COL13A1: variants seen among roughly 807,000 people sequenced by gnomAD.
COL13A1 encodes the protein collagen alpha-1(XIII) chain.
In COL13A1, 89 loss-of-function variants were observed where a neutral mutation model predicts 130.9. The ratio of observed to expected loss-of-function variants is 0.68; its 90% CI spans 0.57 to 0.81. The LOEUF (loss-of-function observed/expected upper bound fraction) is 0.81, where lower values mean the gene tolerates loss of function less well. COL13A1 is among the 30% of genes least tolerant of loss of function. The pLI is 0.00. For synonymous variants in COL13A1, 402 were observed against 341.6 expected (o/e 1.18, Z -1.95); for missense variants, 879 against 934.6 (o/e 0.94, Z 0.78).
Position 69,925,001 on chromosome 10 carries a change from C to T in COL13A1, c.1323C>T (p.Gly441=). 6.3e-7 allele frequency: 1 copy of T among 1,586,720 alleles called. No homozygotes were observed. The highest frequency in any genetic ancestry group is 1.8e-5 in the Admixed American group (1 of 55,726). The change falls in exon 25 of 41, where the codon GGC becomes GGT. Residue 441 remains glycine, a synonymous_variant. Transcript: ENST00000645393. ...CAGCTGGAGAACAGGGACCAGATGG[C>T]CCCAAGGTATGTGCCTCTCCCTCCT... The part of the protein sequence containing the change: ...RGAAGEQGPD[G]PKGSKGEPGK...
chr10:69,857,181 T>TA (rs1208750978), intron 2 of COL13A1, among the ~76,000 whole-genome samples: 2 of 152,304 alleles, frequency 1.3e-5, no homozygotes, highest in Admixed American at 6.5e-5. Context: ...ACTCAGGACT[T>TA]ACGATTCTGA....
chr10:69,807,951 G>A (rs1404116704), intron 1 of COL13A1, among the ~76,000 whole-genome samples: 1 of 152,154 alleles, frequency 6.6e-6, no homozygotes, highest in African/African-American at 2.4e-5. Context: ...GAGCTTACAT[G>A]CAGCCTCAGA....
intron 1 of COL13A1, among the ~76,000 whole-genome samples, chr10:69,813,240 C>T (rs1435002460): frequency 1.3e-5 from 2 of 152,152 alleles, no homozygotes; most frequent in Admixed American, 6.5e-5. Flanking sequence ...GACCCCTGGA[C>T]CCCTGAGATC....
At chr10:69,851,562 C>T (rs1854817597) in intron 2 of COL13A1, among the ~76,000 whole-genome samples, 1 of 152,222 alleles carries the variant, frequency 6.6e-6, no homozygotes, top group Admixed American at 6.5e-5. Flanking sequence ...CTACATGTGG[C>T]TATTCAACAC....
chr10:69,846,009 C>T lies in COL13A1; in HGVS notation c.365-21789C>T, dbSNP rs568399511. The stretch of plus-strand genomic sequence containing the variant: ...TGCCTTGCTGTCTGTTTCCCCAAGG[C>T]CTGGCGCAAGGCCAGTGCCCAGGCA... On this transcript the variant is annotated intron_variant, in intron 2 of 40. Transcript: ENST00000645393. Among the ~76,000 whole-genome samples the T allele has an allele frequency of 4.6e-5, 7 of 152,384 alleles. No homozygotes were observed. The South Asian group carries it at 1.5e-3, about 32-fold the overall frequency.
At chr10:69,895,490 G>A in intron 12 of COL13A1, 60 bp from the exon 13 acceptor site, 3 of 1,584,354 alleles carry the variant, frequency 1.9e-6, no homozygotes, top group Non-Finnish European at 2.6e-6. Context: ...GGGGTGCCCT[G>A]AGAAACAGGT....
rs771100314 is a variant in COL13A1 at position 69,925,756 on chromosome 10, C to T, written c.1330-48C>T. On this transcript the variant is annotated intron_variant, in intron 25 of 40. Coordinates refer to ENST00000645393, the MANE Select transcript of COL13A1 (RefSeq NM_001368882.1). ...AGAGAGCAGGCCACAGTTGCCCTCC[C>T]GGCCCTCCCGGTCCAGGCCGTGGGT... 2.2e-5 allele frequency: 33 copies of T among 1,474,584 alleles called. No homozygotes were observed. The African/African-American group carries it at 2.7e-4, about 12-fold the overall frequency. The allele number at this position is 1,474,584 out of a possible 1,614,324, so 91.3% of individuals were successfully genotyped here. A position where few individuals can be genotyped will look rare whatever the true frequency, so the allele number is the denominator to read the frequency against.
intron 3 of COL13A1, among the ~76,000 whole-genome samples, chr10:69,870,347 C>G (rs971585418): frequency 1.3e-5 from 2 of 151,446 alleles, no homozygotes; most frequent in Non-Finnish European, 2.9e-5. Flanking sequence ...GGGTCTCACT[C>G]TCTCACCCAG....
chr10:69,862,547 G>C (rs558013619), intron 2 of COL13A1, among the ~76,000 whole-genome samples: 2 of 152,268 alleles, frequency 1.3e-5, no homozygotes, highest in South Asian at 4.2e-4. Flanking sequence ...TCACAGGCCA[G>C]TGAAGGGACT....
chr10:69,904,451 C>T (rs753726445), intron 15 of COL13A1, among the ~76,000 whole-genome samples: 3 of 152,228 alleles, frequency 2.0e-5, no homozygotes, highest in Non-Finnish European at 4.4e-5. Flanking sequence ...TGGCCTCTCC[C>T]TCGGCTCACA....
At chr10:69,911,380 T>C (rs1189957325) in intron 17 of COL13A1, among the ~76,000 whole-genome samples, 1 of 152,240 alleles carries the variant, frequency 6.6e-6, no homozygotes, top group Non-Finnish European at 1.5e-5. Context: ...ACTTATTGAA[T>C]CCTTGTAACA....
intron 2 of COL13A1, among the ~76,000 whole-genome samples, chr10:69,840,882 C>T (rs191361167): frequency 6.6e-6 from 1 of 152,264 alleles, no homozygotes; most frequent in East Asian, 1.9e-4. Context: ...CGTTCCCCTG[C>T]CCCCTGGCTC....
At chr10:69,932,524 G>A in intron 30 of COL13A1, 36 bp from the exon 31 acceptor site, 1 of 1,570,078 alleles carries the variant, frequency 6.4e-7, no homozygotes. Context: ...CTTTCACAAG[G>A]GCTGGCATTC....
At chr10:69,840,974 C>T (rs1172757022) in intron 2 of COL13A1, among the ~76,000 whole-genome samples, 1 of 152,108 alleles carries the variant, frequency 6.6e-6, no homozygotes, top group African/African-American at 2.4e-5. Context: ...GAGGACACTC[C>T]TCTGTCACCC....
At chr10:69,833,170 G>GT (rs1849220494) in intron 2 of COL13A1, among the ~76,000 whole-genome samples, 2 of 152,180 alleles carry the variant, frequency 1.3e-5, no homozygotes, top group Non-Finnish European at 2.9e-5. Flanking sequence ...GATTCCATGT[G>GT]TTTGTATCAC....
chr10:69,927,662 T>TAG (rs754983383), intron 27 of COL13A1, among the ~76,000 whole-genome samples: 4 of 152,100 alleles, frequency 2.6e-5, no homozygotes, highest in Non-Finnish European at 5.9e-5. Flanking sequence ...ACTTCTAAGG[T>TAG]AGAGGATGGG....
At chr10:69,809,251 G>A (rs1471965114) in intron 1 of COL13A1, among the ~76,000 whole-genome samples, 2 of 152,184 alleles carry the variant, frequency 1.3e-5, no homozygotes, top group Non-Finnish European at 2.9e-5. Flanking sequence ...AAATCATTTG[G>A]CTAATGGCAA....
rs777594056 is a variant in COL13A1, at chr10:69,930,214, G to A, written c.1530+127G>A. 3.0e-5 allele frequency: 33 copies of A among 1,093,392 alleles called. No individual in the cohort carries two copies. In the Middle Eastern group the frequency reaches 8.2e-4, roughly 27 times the overall value. 67.7% of individuals were successfully genotyped at this position (1,093,392 alleles called of 1,614,324 possible). A position where few individuals can be genotyped will look rare whatever the true frequency, so the allele number is the denominator to read the frequency against. ...AGTGGGCAAGGGAAGGGGAGATGGG[G>A]GGGGGCAGGGAGAGGGGCCCACCCT... On this transcript the variant is annotated intron_variant, in intron 29 of 40. Transcript: ENST00000645393.
chr10:69,803,790 C>T (rs568828300), intron 1 of COL13A1, among the ~76,000 whole-genome samples: 1 of 152,272 alleles, frequency 6.6e-6, no homozygotes, highest in Admixed American at 6.5e-5. Context: ...TTGGGACAAA[C>T]GCTCCAACCC....
Sources: gnomAD v4.1 joint callset for allele counts (sites outside exome capture counted in the v4.1 genomes callset) on GRCh38, gnomAD v4.1.1 for gene constraint, MANE v1.5 for transcripts, NCBI Gene and HGNC (gene_info 2026-07-23, HGNC 2026-07-21) for gene names.